Variants in CBX1 observed in about 807,000 individuals in gnomAD.
CBX1 encodes chromobox protein homolog 1.
CBX1 carries 10 observed loss-of-function variants against 25.1 expected under a neutral mutation model. That is an observed-to-expected ratio of 0.40 (90% CI 0.25 to 0.68). CBX1 has a LOEUF of 0.68. CBX1 is among the 30% of genes least tolerant of loss of function. CBX1 has a pLI of 0.40. For missense variants in CBX1, 106 were observed against 218.5 expected, an observed-to-expected ratio of 0.49 and a Z score of 3.25; for synonymous variants, 63 against 79.4, an observed-to-expected ratio of 0.79 and a Z score of 1.10.
intron 1 of CBX1, among the ~76,000 whole-genome samples, chr17:48,099,405 T>C (rs1192260074): frequency 9.2e-6 from 1 of 108,366 alleles, no homozygotes; most frequent in Non-Finnish European, 1.9e-5. Flanking sequence ...CGCCCGACCC[T>C]ACTATTTATT....
chr17:48,097,788 A>G (rs1454672400), intron 1 of CBX1, among the ~76,000 whole-genome samples: 1 of 152,180 alleles, frequency 6.6e-6, no homozygotes, highest in African/African-American at 2.4e-5. Flanking sequence ...GCAAATATTG[A>G]CAAGATCTAA....
intron 1 of CBX1, among the ~76,000 whole-genome samples, chr17:48,096,613 A>C (rs1229260667): frequency 6.6e-6 from 1 of 151,862 alleles, no homozygotes; most frequent in Admixed American, 6.6e-5. Flanking sequence ...CTCTACTAAA[A>C]ATACAAAAAA....
chr17:48,070,451 G>A lies in CBX1; in HGVS notation c.*984C>T, dbSNP rs1245573814. ...CAGTGTTCAAAGCTCAAAGTAAACG[G>A]CTCCAAGAGTTTTCCCCACTAAGAG... On this transcript the variant is annotated 3_prime_UTR_variant, in exon 5 of 5. Coordinates refer to ENST00000225603, the MANE Select transcript of CBX1 (RefSeq NM_001127228.2). 2 of 152,584 alleles carry A rather than the reference G, an allele frequency of 1.3e-5. No homozygotes were observed. Among genetic ancestry groups the A allele is most frequent in the African/African-American group, 4.8e-5 (2 of 41,414 alleles). 9.5% of individuals were successfully genotyped at this position (152,584 alleles called of 1,614,324 possible).
At chr17:48,093,613 A>C (rs1459339007) in intron 1 of CBX1, among the ~76,000 whole-genome samples, 1 of 152,216 alleles carries the variant, frequency 6.6e-6, no homozygotes, top group Admixed American at 6.6e-5. Flanking sequence ...AGCTGACTGA[A>C]TAGGAAATAT....
rs751400624 is a variant in CBX1 at position 48,071,350 on chromosome 17, T to G, written c.*85A>C. On this transcript the variant is annotated 3_prime_UTR_variant, in exon 5 of 5. Coordinates refer to ENST00000225603, the MANE Select transcript of CBX1 (RefSeq NM_001127228.2). ...TCAAAGGACATCTTCTCAAGCCACCTCTATGGTGTCAAGACAAGTAGAACT... is the reference window on the plus strand; with the variant it reads ...TCAAAGGACATCTTCTCAAGCCACCGCTATGGTGTCAAGACAAGTAGAACT... 257 of 1,389,682 alleles carry G rather than the reference T, an allele frequency of 1.8e-4. No individual in the cohort carries two copies. Among genetic ancestry groups the G allele is most frequent in the Non-Finnish European group, 2.3e-4 (236 of 1,018,354 alleles). The allele number at this position is 1,389,682 out of a possible 1,614,324, so 86.1% of individuals were successfully genotyped here.
rs767374829 is a variant in CBX1 at position 48,091,253 on chromosome 17, A to T, written c.-38+10015T>A. Among the ~76,000 whole-genome samples the T allele has an allele frequency of 1.8e-4, 28 of 152,288 alleles. 1 individual carries two copies. The Middle Eastern group carries it at 0.017, about 92-fold the overall frequency. Reference sequence around the variant, plus strand: ...ACAATTATTTTGCATATCACTTCTTACTTCATTCCTTTTTCCATCTAGTTC... The same window carrying T: ...ACAATTATTTTGCATATCACTTCTTTCTTCATTCCTTTTTCCATCTAGTTC... On this transcript the variant is annotated intron_variant, in intron 1 of 4. Coordinates refer to ENST00000225603, the MANE Select transcript of CBX1 (RefSeq NM_001127228.2).
chr17:48,101,165 T>G (rs913247890), intron 1 of CBX1, 103 bp downstream of exon 1: 3 of 986,964 alleles, frequency 3.0e-6, no homozygotes, highest in Non-Finnish European at 3.6e-6. Flanking sequence ...CGCTCCCCGC[T>G]CCTAACCTCC....
rs1165311722 is a variant in CBX1 at position 48,101,413 on chromosome 17, C to G, written c.-183G>C. 3.0e-6 allele frequency: 3 copies of G among 985,414 alleles called. No individual in the cohort carries two copies. The highest frequency in any genetic ancestry group is 3.5e-5 in the African/African-American group (2 of 57,256). 61.0% of individuals were successfully genotyped at this position (985,414 alleles called of 1,614,324 possible). A position where few individuals can be genotyped will look rare whatever the true frequency, so the allele number is the denominator to read the frequency against. On this transcript the variant is annotated 5_prime_UTR_variant, in exon 1 of 5. Coordinates refer to ENST00000225603, the MANE Select transcript of CBX1 (RefSeq NM_001127228.2). ...CTCACTGAAGCGGCGTACCGCAGGC[C>G]CCGGCCAACGGCCCTCCCCTCAGCC...
At chr17:48,082,971 A>G (rs918923963) in intron 1 of CBX1, among the ~76,000 whole-genome samples, 20 of 147,054 alleles carry the variant, frequency 1.4e-4, no homozygotes, top group African/African-American at 4.8e-4. Flanking sequence ...GGTTCAAGCG[A>G]TTCTCCTGCC....
chr17:48,085,829 G>A (rs2063308765), intron 1 of CBX1, among the ~76,000 whole-genome samples: 1 of 152,176 alleles, frequency 6.6e-6, no homozygotes, highest in Non-Finnish European at 1.5e-5. Context: ...ACTCTGGGAG[G>A]CTGAGGAGGG....
intron 1 of CBX1, among the ~76,000 whole-genome samples, chr17:48,092,927 G>A (rs915046881): frequency 1.3e-5 from 2 of 151,900 alleles, no homozygotes; most frequent in Non-Finnish European, 2.9e-5. Context: ...AAAATGAGCC[G>A]GACGTGGTGG....
chr17:48,084,897 G>A (rs926461044), intron 1 of CBX1, among the ~76,000 whole-genome samples: 5 of 151,258 alleles, frequency 3.3e-5, no homozygotes, highest in African/African-American at 7.3e-5. Context: ...GCGACAGAGC[G>A]AGACTCCGTC....
intron 1 of CBX1, chr17:48,100,628 G>T (rs1165468298): frequency 4.3e-6 from 3 of 692,464 alleles, no homozygotes; most frequent in Non-Finnish European, 5.3e-6. Context: ...ATATTCTCGG[G>T]ATCTCCGCCC....
chr17:48,096,825 G>A (rs1057022309), intron 1 of CBX1, among the ~76,000 whole-genome samples: 1 of 152,062 alleles, frequency 6.6e-6, no homozygotes, highest in African/African-American at 2.4e-5. Flanking sequence ...AGGTGCAGTG[G>A]CTCATGTCTG....
chr17:48,083,054 C>T (rs2037754435), intron 1 of CBX1, among the ~76,000 whole-genome samples: 1 of 149,560 alleles, frequency 6.7e-6, no homozygotes, highest in South Asian at 2.1e-4. Context: ...TTAGTAGAGA[C>T]AGAGTTTCTC....
Position 48,095,246 on chromosome 17 carries a change from G to A in CBX1, c.-38+6022C>T, listed in dbSNP as rs183965326. Among the ~76,000 whole-genome samples, 9 of 152,198 alleles carry A rather than the reference G, an allele frequency of 5.9e-5. No individual in the cohort carries two copies. The East Asian group carries it at 1.5e-3, about 26-fold the overall frequency. ...ATTTTTACTTGCACATACAATTAAA[G>A]GTAGGTCTGGAACCTGAACAAGTTG... On this transcript the variant is annotated intron_variant, in intron 1 of 4. Transcript: ENST00000225603.
intron 1 of CBX1, among the ~76,000 whole-genome samples, chr17:48,085,451 G>C (rs899138177): frequency 2.0e-4 from 30 of 152,004 alleles, no homozygotes; most frequent in African/African-American, 7.0e-4. Flanking sequence ...TATAAGGAAA[G>C]GACACAGAGG....
intron 1 of CBX1, among the ~76,000 whole-genome samples, chr17:48,087,390 T>C (rs1011816283): frequency 6.6e-6 from 1 of 150,952 alleles, no homozygotes; most frequent in Non-Finnish European, 1.5e-5. Flanking sequence ...CTGGCCAACA[T>C]GGTGAAACCC....
rs528769294 is a variant in CBX1, at chr17:48,096,278, G to T, written c.-38+4990C>A. On this transcript the variant is annotated intron_variant, in intron 1 of 4. Coordinates refer to ENST00000225603, the MANE Select transcript of CBX1 (RefSeq NM_001127228.2). ...ACATTTTGAATTTTATCTGAGATGT[G>T]TTCTGAAACTTGGAAAACCCCTTGA... is the stretch of plus-strand genomic sequence containing the variant. 181 of 816,100 alleles carry T rather than the reference G, an allele frequency of 2.2e-4. 3 individuals are homozygous for T. In the South Asian group the frequency reaches 9.0e-3, roughly 41 times the overall value. The allele number at this position is 816,100 out of a possible 1,614,324, so 50.6% of individuals were successfully genotyped here. A position where few individuals can be genotyped will look rare whatever the true frequency, so the allele number is the denominator to read the frequency against.
Sources: gnomAD v4.1 joint callset for allele counts (sites outside exome capture counted in the v4.1 genomes callset) on GRCh38, gnomAD v4.1.1 for gene constraint, MANE v1.5 for transcripts, NCBI Gene and HGNC (gene_info 2026-07-23, HGNC 2026-07-21) for gene names.